The following RANBP3 variants were observed in gnomAD, a reference collection of about 807,000 sequenced individuals.
RANBP3 encodes RAN binding protein 3.
In RANBP3, 14 loss-of-function variants were observed where a neutral mutation model predicts 77.3. The observed-to-expected ratio is 0.18, with a 90% confidence interval of 0.12 to 0.28. The LOEUF is 0.28. Ranked by LOEUF, RANBP3 falls within the 10% of genes least tolerant of loss-of-function variation. The pLI is 1.00. For synonymous variants in RANBP3, 315 were observed against 312.4 expected (o/e 1.01, Z -0.09); for missense variants, 586 against 752.3 (o/e 0.78, Z 2.59).
At chr19:5,963,259 T>C (rs1230989853) in intron 1 of RANBP3, among the ~76,000 whole-genome samples, 1 of 152,248 alleles carries the variant, frequency 6.6e-6, no homozygotes, top group East Asian at 1.9e-4. Context: ...TATTAAGAGA[T>C]TAGAAAACCA....
chr19:5,925,865 CTGTG>C (rs1029579775), intron 9 of RANBP3, 128 bp from the exon 10 acceptor site: 1 of 722,522 alleles, frequency 1.4e-6, no homozygotes, highest in African/African-American at 1.7e-5. Flanking sequence ...CTGTACCCGC[CTGTG>C]TGTGTGCGCG....
At chr19:5,931,968 G>A (rs373445000) in intron 7 of RANBP3, among the ~76,000 whole-genome samples, 25 of 152,202 alleles carry the variant, frequency 1.6e-4, no homozygotes, top group African/African-American at 5.5e-4. Context: ...CCAGGAGTTC[G>A]AGGCTGCAGT....
At chr19:5,941,576 G>GTAAGCAT (rs775017630) in intron 5 of RANBP3, 45 bp downstream of exon 5, 4 of 1,519,720 alleles carry the variant, frequency 2.6e-6, no homozygotes, top group Non-Finnish European at 3.6e-6. Context: ...TGGCGGGTTT[G>GTAAGCAT]TAAGCATAAA....
At chr19:5,940,112 G>A (rs1342229965) in intron 5 of RANBP3, among the ~76,000 whole-genome samples, 1 of 152,202 alleles carries the variant, frequency 6.6e-6, no homozygotes, top group South Asian at 2.1e-4. Context: ...CAAATTATTG[G>A]TGCCCCTCAC....
At chr19:5,946,726 T>C (rs1029447397) in intron 3 of RANBP3, among the ~76,000 whole-genome samples, 17 of 152,300 alleles carry the variant, frequency 1.1e-4, no homozygotes, top group South Asian at 1.0e-3. Flanking sequence ...TCAGGAGACG[T>C]TGGAACTTGC....
chr19:5,961,427 A>T lies in RANBP3; in HGVS notation c.23-3454T>A, dbSNP rs112033930. On this transcript the variant is annotated intron_variant, in intron 1 of 16. Transcript: ENST00000340578. ...TTCCATCTCAAAACAAAACAAAACAAAACAAAACAAAAACTGCAGTGTCGG... is the reference window on the plus strand; with the variant it reads ...TTCCATCTCAAAACAAAACAAAACATAACAAAACAAAAACTGCAGTGTCGG... Among the ~76,000 whole-genome samples, 253 of 150,544 alleles carry T rather than the reference A, an allele frequency of 1.7e-3. 1 individual carries two copies. The highest frequency in any genetic ancestry group is 5.9e-3 in the African/African-American group (239 of 40,820).
In RANBP3 at chr19:5,959,197, ACTT is replaced by A. The variant is rs2058370947; in HGVS notation, c.23-1227_23-1225del. 6.6e-6 allele frequency among the ~76,000 whole-genome samples: 1 copy of A among 152,082 alleles called. No homozygotes were observed. Among genetic ancestry groups the A allele is most frequent in the Non-Finnish European group, 1.5e-5 (1 of 68,002 alleles). On this transcript the variant is annotated intron_variant, in intron 1 of 16. Coordinates refer to ENST00000340578, the MANE Select transcript of RANBP3 (RefSeq NM_007322.3). The surrounding 1 kb of genome is among the most constrained non-coding windows in gnomAD (Gnocchi z 5.1). ...CCAGGGGCAGGCGGTGGGCATGCTG[ACTT>A]GCTGGGGAAATGTCATAAAAGGCAA...
Position 5,959,027 on chromosome 19 carries a change from C to T in RANBP3, c.23-1054G>A, listed in dbSNP as rs1216780250. 1.3e-5 allele frequency among the ~76,000 whole-genome samples: 2 copies of T among 152,202 alleles called. No homozygotes were observed. Among genetic ancestry groups the T allele is most frequent in the Admixed American group, 6.5e-5 (1 of 15,290 alleles). On this transcript the variant is annotated intron_variant, in intron 1 of 16. Coordinates refer to ENST00000340578, the MANE Select transcript of RANBP3 (RefSeq NM_007322.3). The surrounding 1 kb of genome is among the most constrained non-coding windows in gnomAD (Gnocchi z 5.1). ...AAGCATGTGCTGCCCATGATCACGA[C>T]GAAGGCACTCTGCTTGGGCATTGAC... is the stretch of plus-strand genomic sequence containing the variant.
chr19:5,932,866 A>C (rs966459208), intron 6 of RANBP3: 1 of 379,002 alleles, frequency 2.6e-6, no homozygotes, highest in Non-Finnish European at 4.8e-6. Context: ...ACAGGCAGCT[A>C]CCTGGAGGCT....
At chr19:5,918,990 G>A (rs947760742) in intron 14 of RANBP3, among the ~76,000 whole-genome samples, 1 of 152,264 alleles carries the variant, frequency 6.6e-6, no homozygotes, top group Non-Finnish European at 1.5e-5. Flanking sequence ...GAGAAGGGGG[G>A]ATTAGAGAGG....
At chr19:5,925,597 GC>G (rs1488884063) in intron 10 of RANBP3, 36 bp downstream of exon 10, 1 of 1,583,128 alleles carries the variant, frequency 6.3e-7, no homozygotes, top group East Asian at 2.2e-5. Context: ...CACCTGCATC[GC>G]CATGCCAGGC....
At chr19:5,938,536 C>T (rs957502613) in intron 5 of RANBP3, among the ~76,000 whole-genome samples, 2 of 151,766 alleles carry the variant, frequency 1.3e-5, no homozygotes, top group African/African-American at 4.8e-5. Context: ...ACTAAAAATA[C>T]AAAACATTAG....
rs995964643 is a variant in RANBP3, at chr19:5,958,222, T to G, written c.23-249A>C. Among the ~76,000 whole-genome samples the G allele has an allele frequency of 1.3e-5, 2 of 152,184 alleles. No individual in the cohort carries two copies. Among genetic ancestry groups the G allele is most frequent in the Non-Finnish European group, 2.9e-5 (2 of 68,034 alleles). On this transcript the variant is annotated intron_variant, in intron 1 of 16. Coordinates refer to ENST00000340578, the MANE Select transcript of RANBP3 (RefSeq NM_007322.3). This position sits in a 1 kb window ranked among gnomAD's most constrained non-coding sequence, Gnocchi z 4.4. The stretch of plus-strand genomic sequence containing the variant: ...TGCATTTATCATCAATAAGGAGTTT[T>G]CAAGACTCACTGAGAGCGGGCGTGT...
At chr19:5,943,826 AGTCACTGGGGCAATT>A (rs2058169390) in intron 3 of RANBP3, among the ~76,000 whole-genome samples, 1 of 152,200 alleles carries the variant, frequency 6.6e-6, no homozygotes, top group Non-Finnish European at 1.5e-5. Context: ...GGGTTCTATT[AGTCACTGGGGCAATT>A]GTGAAAATAC....
In RANBP3 at chr19:5,978,087, C is replaced by T. The variant is rs770807829; in HGVS notation, c.-5G>A. 1 of 1,610,728 alleles carries T rather than the reference C, an allele frequency of 6.2e-7. No homozygotes were observed. Among genetic ancestry groups the T allele is most frequent in the South Asian group, 1.1e-5 (1 of 90,454 alleles). ...TTCGTTCGCCAGGTCCGCCATTTTA[C>T]TTCCTTAAGCCCTCCCACAAGGCCC... On this transcript the variant is annotated 5_prime_UTR_variant, in exon 1 of 17. Transcript: ENST00000340578.
rs867968308 is a variant in RANBP3, at chr19:5,978,078, G to A, written c.5C>T (p.Ala2Val). The A allele has an allele frequency of 1.2e-6, 2 of 1,610,618 alleles. No homozygotes were observed. Among genetic ancestry groups the A allele is most frequent in the Non-Finnish European group, 8.5e-7 (1 of 1,178,614 alleles). The change falls in exon 1 of 17, where the codon GCG becomes GTG. Residue 2 changes from alanine to valine, a missense_variant. Coordinates refer to ENST00000340578, the MANE Select transcript of RANBP3 (RefSeq NM_007322.3). M[A>V]DLANEEKPAI... Reference sequence around the variant, plus strand: ...TCCCCTACCTTCGTTCGCCAGGTCCGCCATTTTACTTCCTTAAGCCCTCCC... The same window carrying A: ...TCCCCTACCTTCGTTCGCCAGGTCCACCATTTTACTTCCTTAAGCCCTCCC...
chr19:5,956,838 G>A (rs969867189), intron 2 of RANBP3, among the ~76,000 whole-genome samples: 4 of 152,258 alleles, frequency 2.6e-5, no homozygotes, highest in African/African-American at 9.6e-5. Context: ...TGAGGGGACA[G>A]AAGCCACAGG....
intron 10 of RANBP3, 97 bp downstream of exon 10, chr19:5,925,537 G>T: frequency 9.4e-7 from 1 of 1,060,844 alleles, no homozygotes; most frequent in Non-Finnish European, 1.4e-6. Context: ...TTCTGGGCCT[G>T]AGTCGGGCAC....
intron 5 of RANBP3, chr19:5,934,152 G>A (rs1160869936): frequency 6.6e-6 from 1 of 152,258 alleles, no homozygotes; most frequent in African/African-American, 2.4e-5. Context: ...TGGCTCGAGA[G>A]CCCAGCCTCG....
Sources: allele counts gnomAD v4.1 joint callset (sites outside exome capture counted in the v4.1 genomes callset), GRCh38; gene constraint gnomAD v4.1.1; non-coding constraint Gnocchi (gnomAD v3.1); transcripts MANE v1.5; gene names NCBI Gene and HGNC (gene_info 2026-07-23, HGNC 2026-07-21).